AXDND1: variants seen among roughly 807,000 people sequenced by gnomAD.
AXDND1 encodes the protein axonemal dynein light chain domain-containing protein 1.
Under a neutral mutation model 137.5 loss-of-function variants are expected in AXDND1, and 110 were observed. That is an observed-to-expected ratio of 0.80 (90% CI 0.69 to 0.94). The LOEUF (loss-of-function observed/expected upper bound fraction) is 0.94. Ranked by LOEUF, AXDND1 falls within the 40% of genes least tolerant of loss-of-function variation. The pLI is 0.00. For synonymous variants in AXDND1, 414 were observed against 399.7 expected, an observed-to-expected ratio of 1.04 and a Z score of -0.43; for missense variants, 1,191 against 1,169.8, an observed-to-expected ratio of 1.02 and a Z score of -0.26.
At chr1:179,448,342 A>G (rs1660030713) in intron 16 of AXDND1, 1 of 714,168 alleles carries the variant, frequency 1.4e-6, no homozygotes, top group South Asian at 1.5e-5. Context: ...CACTAAGTTC[A>G]TAGGCTTTCT....
intron 21 of AXDND1, among the ~76,000 whole-genome samples, chr1:179,516,010 A>G (rs753896349): frequency 6.6e-5 from 10 of 152,146 alleles, no homozygotes; most frequent in Non-Finnish European, 1.2e-4. Flanking sequence ...TGGGAGCAAA[A>G]GGTTATATCA....
chr1:179,480,922 C>G (rs1665285046), intron 17 of AXDND1, among the ~76,000 whole-genome samples: 1 of 120,100 alleles, frequency 8.3e-6, no homozygotes, highest in Admixed American at 8.4e-5. Context: ...TTTGTTTTTG[C>G]TTTTATTTAT....
intron 20 of AXDND1, among the ~76,000 whole-genome samples, chr1:179,496,266 A>G (rs1192074822): frequency 2.6e-5 from 4 of 152,080 alleles, no homozygotes; most frequent in Non-Finnish European, 5.9e-5. Flanking sequence ...TGTTTTAGAA[A>G]TAATATGTGT....
chr1:179,479,505 T>G (rs1035793338), intron 17 of AXDND1, among the ~76,000 whole-genome samples: 1 of 146,450 alleles, frequency 6.8e-6, no homozygotes, highest in South Asian at 2.2e-4. Context: ...AGGCTGGGTG[T>G]GGTGGCTCAT....
intron 15 of AXDND1, among the ~76,000 whole-genome samples, chr1:179,433,158 T>G (rs1001064256): frequency 3.3e-5 from 5 of 152,198 alleles, no homozygotes; most frequent in Admixed American, 2.0e-4. Context: ...TTTATTTGCA[T>G]AGAGGTGTTT....
chr1:179,534,610 C>T, intron 24 of AXDND1, 120 bp from the exon 25 acceptor site: 2 of 1,317,072 alleles, frequency 1.5e-6, no homozygotes, highest in Non-Finnish European at 1.0e-6. Context: ...TGTTGCTTCC[C>T]TTATTTCTAC....
chr1:179,425,099 G>A (rs1389526265), intron 12 of AXDND1, among the ~76,000 whole-genome samples: 3 of 152,166 alleles, frequency 2.0e-5, no homozygotes, highest in Admixed American at 6.5e-5. Flanking sequence ...TCTTATGAAT[G>A]TATGTCTATT....
At chr1:179,457,297 A>G (rs1485077592) in intron 16 of AXDND1, 3 of 647,040 alleles carry the variant, frequency 4.6e-6, no homozygotes, top group East Asian at 2.7e-5. Context: ...AGCTTCCTCA[A>G]CTGTTTGGGC....
chr1:179,520,576 T>C (rs1212842189), intron 21 of AXDND1, among the ~76,000 whole-genome samples: 2 of 152,110 alleles, frequency 1.3e-5, no homozygotes, highest in African/African-American at 2.4e-5. Flanking sequence ...TGCACCTGGC[T>C]ATTTTTCTAT....
At chr1:179,543,315 G>A (rs1672338896) in intron 25 of AXDND1, 1 of 152,156 alleles carries the variant, frequency 6.6e-6, no homozygotes, top group Admixed American at 6.5e-5. Flanking sequence ...AGATGAATAT[G>A]GCTTAGTCCT....
chr1:179,401,173 G>A (rs577826047), intron 11 of AXDND1, among the ~76,000 whole-genome samples: 7 of 146,930 alleles, frequency 4.8e-5, no homozygotes, highest in South Asian at 2.2e-4. Context: ...CAGGAGAATC[G>A]CTTGAACCTG....
At chr1:179,462,152 T>C (rs1662422167) in intron 16 of AXDND1, among the ~76,000 whole-genome samples, 1 of 152,228 alleles carries the variant, frequency 6.6e-6, no homozygotes, top group African/African-American at 2.4e-5. Flanking sequence ...TTCCTGTTTT[T>C]GCCCATTCAG....
At position 179,461,954 on chromosome 1, in the gene AXDND1, A is replaced by G. The variant is rs1019176588; in HGVS notation, c.1799-6489A>G. Among the ~76,000 whole-genome samples the G allele has an allele frequency of 5.9e-5, 9 of 152,262 alleles. 1 individual carries two copies. Among genetic ancestry groups the G allele is most frequent in the African/African-American group, 7.2e-5 (3 of 41,538 alleles). ...CTTAAGGAGATTTTGGGCTGAGACA[A>G]TGAGGTTTTCTAAATATACAATCAT... On this transcript the variant is annotated intron_variant, in intron 16 of 25. Coordinates refer to ENST00000367618, the MANE Select transcript of AXDND1 (RefSeq NM_144696.6).
At chr1:179,375,839 A>T (rs563258887) in intron 4 of AXDND1, among the ~76,000 whole-genome samples, 1 of 152,208 alleles carries the variant, frequency 6.6e-6, no homozygotes, top group South Asian at 2.1e-4. Flanking sequence ...TTTCCCCTGT[A>T]CATATCCAAG....
intron 24 of AXDND1, among the ~76,000 whole-genome samples, chr1:179,534,162 T>G (rs1671293885): frequency 1.3e-5 from 2 of 152,200 alleles, no homozygotes; most frequent in Non-Finnish European, 2.9e-5. Context: ...AAGAGATAAC[T>G]TAGGGAAATA....
intron 12 of AXDND1, among the ~76,000 whole-genome samples, chr1:179,414,560 G>A (rs544138020): frequency 4.6e-5 from 7 of 152,182 alleles, no homozygotes; most frequent in African/African-American, 1.7e-4. Context: ...TGTGTAGCTG[G>A]GACTACAGGC....
intron 9 of AXDND1, among the ~76,000 whole-genome samples, chr1:179,387,218 G>C (rs547998961): frequency 6.6e-6 from 1 of 152,194 alleles, no homozygotes; most frequent in Non-Finnish European, 1.5e-5. Context: ...TATCACAGAC[G>C]GGGGGTAATT....
intron 4 of AXDND1, among the ~76,000 whole-genome samples, chr1:179,375,101 A>T (rs1353719775): frequency 2.0e-5 from 3 of 149,254 alleles, no homozygotes; most frequent in African/African-American, 7.5e-5. Flanking sequence ...TTATTAATAA[A>T]AAAAAAATTT....
chr1:179,429,940 A>T (rs1200363548), intron 13 of AXDND1, among the ~76,000 whole-genome samples: 1 of 148,522 alleles, frequency 6.7e-6, no homozygotes, highest in Non-Finnish European at 1.5e-5. Context: ...TTTATGGGAA[A>T]ATTCAGTGAG....
Sources: allele counts gnomAD v4.1 joint callset (sites outside exome capture counted in the v4.1 genomes callset), GRCh38; gene constraint gnomAD v4.1.1; transcripts MANE v1.5; gene names NCBI Gene and HGNC (gene_info 2026-07-23, HGNC 2026-07-21).